SLC44A5: variants seen among roughly 807,000 people sequenced by gnomAD.
SLC44A5 encodes choline transporter-like protein 5.
In SLC44A5, 57 loss-of-function variants were observed where a neutral mutation model predicts 101.8. The ratio of observed to expected loss-of-function variants is 0.56; its 90% CI spans 0.45 to 0.70. SLC44A5 has a LOEUF of 0.70. SLC44A5 is among the 30% of genes least tolerant of loss of function. The pLI is 0.00. For missense variants in SLC44A5, 737 were observed against 853.1 expected (o/e 0.86, Z 1.70); for synonymous variants, 281 against 290.9 (o/e 0.97, Z 0.35).
At chr1:75,459,387 T>C (rs1666370025) in intron 2 of SLC44A5, among the ~76,000 whole-genome samples, 1 of 152,206 alleles carries the variant, frequency 6.6e-6, no homozygotes, top group Admixed American at 6.5e-5. Flanking sequence ...CCTTGACAAA[T>C]GTACATAGCT....
chr1:75,694,593 C>T, the SLC44A5 span, among the ~76,000 whole-genome samples: 7 of 152,038 alleles, frequency 4.6e-5, no homozygotes, highest in Non-Finnish European at 7.4e-5. Context: ...GACATAGGTA[C>T]CTTACCTCAT....
At chr1:75,545,600 G>A (rs1001616062) in intron 1 of SLC44A5, among the ~76,000 whole-genome samples, 3 of 152,266 alleles carry the variant, frequency 2.0e-5, no homozygotes, top group Non-Finnish European at 4.4e-5. Flanking sequence ...TGACTACTCA[G>A]TAAGGCGGCA....
the SLC44A5 span, among the ~76,000 whole-genome samples, chr1:75,679,192 G>A: frequency 6.6e-6 from 1 of 152,164 alleles, no homozygotes; most frequent in African/African-American, 2.4e-5. Context: ...CACTCTGCAG[G>A]ATATTATCCA....
At chr1:75,610,725 G>T (rs150482465) in intron 1 of SLC44A5, among the ~76,000 whole-genome samples, 1 of 151,884 alleles carries the variant, frequency 6.6e-6, no homozygotes, top group Non-Finnish European at 1.5e-5. Flanking sequence ...CGATATTTTG[G>T]TGAATATTAA....
intron 6 of SLC44A5, among the ~76,000 whole-genome samples, chr1:75,256,320 T>A (rs1318988007): frequency 6.6e-6 from 1 of 151,994 alleles, no homozygotes; most frequent in African/African-American, 2.4e-5. Context: ...AAAAATAGTA[T>A]GATTGAGATG....
intron 3 of SLC44A5, among the ~76,000 whole-genome samples, chr1:75,365,152 AT>A (rs1659768075): frequency 6.6e-6 from 1 of 151,452 alleles, no homozygotes; most frequent in African/African-American, 2.4e-5. Context: ...GATTTCTTTT[AT>A]TTTTATTTTT....
chr1:75,414,278 C>G (rs1373474365), intron 2 of SLC44A5, among the ~76,000 whole-genome samples: 1 of 105,122 alleles, frequency 9.5e-6, no homozygotes, highest in Non-Finnish European at 1.8e-5. Flanking sequence ...TATATATACA[C>G]ATATATACAT....
At chr1:75,372,111 T>C (rs1334136061) in intron 3 of SLC44A5, among the ~76,000 whole-genome samples, 2 of 150,124 alleles carry the variant, frequency 1.3e-5, no homozygotes, top group African/African-American at 4.9e-5. Flanking sequence ...ACAGGAGAAT[T>C]GCTTGAACCT....
chr1:75,386,192 T>C (rs1661331813), intron 3 of SLC44A5, among the ~76,000 whole-genome samples: 1 of 152,026 alleles, frequency 6.6e-6, no homozygotes, highest in South Asian at 2.1e-4. Flanking sequence ...CAACATAGTG[T>C]TGGAAGTTTT....
intron 6 of SLC44A5, among the ~76,000 whole-genome samples, chr1:75,270,943 A>T (rs1651415707): frequency 1.3e-5 from 2 of 152,102 alleles, no homozygotes; most frequent in Non-Finnish European, 2.9e-5. Context: ...TTAAAAACAA[A>T]CTGTCTTAAA....
At chr1:75,447,021 C>G (rs984267636) in intron 2 of SLC44A5, among the ~76,000 whole-genome samples, 8 of 152,134 alleles carry the variant, frequency 5.3e-5, no homozygotes, top group African/African-American at 1.9e-4. Context: ...CATAAGAAAG[C>G]ACAGGCCTGT....
chr1:75,302,147 C>G (rs757266721), intron 4 of SLC44A5, among the ~76,000 whole-genome samples: 8 of 73,752 alleles, frequency 1.1e-4, no homozygotes, highest in Non-Finnish European at 1.9e-4. Context: ...GGTTAACAAC[C>G]ATTGTAAGCA....
rs545087145 is a variant in SLC44A5, at chr1:75,214,053, A to C, written c.1803-64T>G. ...AAAATATACTTGGTACTTGAAATTT[A>C]TGGCAGTAAATTTTCATGAGTTTAT... On this transcript the variant is annotated intron_variant, in intron 20 of 23. Coordinates refer to ENST00000370859, the MANE Select transcript of SLC44A5 (RefSeq NM_001130058.2). 30 of 1,028,812 alleles carry C rather than the reference A, an allele frequency of 2.9e-5. 1 individual carries two copies. Among genetic ancestry groups the C allele is most frequent in the Middle Eastern group, 6.2e-4 (2 of 3,232 alleles). 63.7% of individuals were successfully genotyped at this position (1,028,812 alleles called of 1,614,324 possible).
intron 2 of SLC44A5, among the ~76,000 whole-genome samples, chr1:75,518,463 G>A (rs1044471682): frequency 6.6e-6 from 1 of 152,050 alleles, no homozygotes; most frequent in African/African-American, 2.4e-5. Context: ...TCAATAACCC[G>A]TAAGCTGTTT....
At chr1:75,400,439 A>G (rs1662404027) in intron 2 of SLC44A5, among the ~76,000 whole-genome samples, 1 of 152,212 alleles carries the variant, frequency 6.6e-6, no homozygotes. Context: ...CCTATTTTTT[A>G]GTACTCAGAA....
chr1:75,446,844 G>C (rs1473016860), intron 2 of SLC44A5, among the ~76,000 whole-genome samples: 1 of 152,070 alleles, frequency 6.6e-6, no homozygotes, highest in Non-Finnish European at 1.5e-5. Flanking sequence ...TTGCTTCCTA[G>C]TAGAATAGTT....
intron 11 of SLC44A5, among the ~76,000 whole-genome samples, chr1:75,234,922 T>C (rs1354971775): frequency 6.6e-6 from 1 of 152,104 alleles, no homozygotes; most frequent in African/African-American, 2.4e-5. Context: ...ATCGGAAAGT[T>C]GGCTGACTGT....
chr1:75,722,660 T>C, the SLC44A5 span, among the ~76,000 whole-genome samples: 2 of 152,250 alleles, frequency 1.3e-5, no homozygotes, highest in African/African-American at 4.8e-5. Flanking sequence ...GTGGAAGCTC[T>C]GTGGCTGCCT....
chr1:75,607,993 T>G (rs1435994732), intron 1 of SLC44A5, among the ~76,000 whole-genome samples: 1 of 151,970 alleles, frequency 6.6e-6, no homozygotes, highest in African/African-American at 2.4e-5. Flanking sequence ...GACTAGTATC[T>G]CCTCACTTCT....
Sources: gnomAD v4.1 joint callset for allele counts (sites outside exome capture counted in the v4.1 genomes callset) on GRCh38, gnomAD v4.1.1 for gene constraint, MANE v1.5 for transcripts, NCBI Gene and HGNC (gene_info 2026-07-23, HGNC 2026-07-21) for gene names.